NAALADL2: variants seen among roughly 807,000 people sequenced by gnomAD.
The protein encoded by NAALADL2 is inactive N-acetylated-alpha-linked acidic dipeptidase-like protein 2.
In NAALADL2, 76 loss-of-function variants were observed where a neutral mutation model predicts 87.2. The observed-to-expected ratio is 0.87, with a 90% CI of 0.72 to 1.05. NAALADL2 has a LOEUF of 1.05. Among genes scored for constraint, NAALADL2 ranks in the 50% least tolerant of loss-of-function variants. NAALADL2 has a pLI of 0.00. For missense variants in NAALADL2, 1,089 were observed against 945.8 expected (o/e 1.15, Z -1.99); for synonymous variants, 354 against 331.0 (o/e 1.07, Z -0.75).
At chr3:175,797,207 A>G (rs1038768111) in intron 13 of NAALADL2, among the ~76,000 whole-genome samples, 3 of 152,136 alleles carry the variant, frequency 2.0e-5, no homozygotes, top group African/African-American at 7.2e-5. Context: ...GTGGGTCAGG[A>G]TAACTGTATG....
At chr3:175,684,746 T>C (rs1736038853) in intron 11 of NAALADL2, among the ~76,000 whole-genome samples, 1 of 152,078 alleles carries the variant, frequency 6.6e-6, no homozygotes, top group Admixed American at 6.6e-5. Flanking sequence ...AAGGCTGCAG[T>C]GAGCTATGAC....
At chr3:175,194,500 T>C (rs1264201791) in intron 2 of NAALADL2, among the ~76,000 whole-genome samples, 1 of 151,822 alleles carries the variant, frequency 6.6e-6, no homozygotes, top group Non-Finnish European at 1.5e-5. Flanking sequence ...TAATGAAAGG[T>C]AGGCTATATG....
At chr3:174,708,053 T>C (rs1439065150) in intron 2 of NAALADL2, among the ~76,000 whole-genome samples, 1 of 152,198 alleles carries the variant, frequency 6.6e-6, no homozygotes, top group African/African-American at 2.4e-5. Flanking sequence ...AACATTCTAA[T>C]AATTTTAAAT....
chr3:174,745,699 A>G (rs1337987008), intron 3 of NAALADL2, among the ~76,000 whole-genome samples: 1 of 152,202 alleles, frequency 6.6e-6, no homozygotes, highest in African/African-American at 2.4e-5. Context: ...TCAGTAAAAT[A>G]TGAGCAAACC....
At chr3:175,488,264 C>A (rs935835962) in intron 9 of NAALADL2, among the ~76,000 whole-genome samples, 1 of 152,154 alleles carries the variant, frequency 6.6e-6, no homozygotes, top group African/African-American at 2.4e-5. Flanking sequence ...AGGACAAGCA[C>A]GAATTAGTTT....
chr3:175,231,868 G>A (rs1290550525), intron 2 of NAALADL2, among the ~76,000 whole-genome samples: 1 of 151,996 alleles, frequency 6.6e-6, no homozygotes, highest in Non-Finnish European at 1.5e-5. Flanking sequence ...CTGTCAAATT[G>A]TGTTGTTTTT....
intron 4 of NAALADL2, among the ~76,000 whole-genome samples, chr3:175,314,098 G>A (rs1758735692): frequency 6.7e-6 from 1 of 148,708 alleles, no homozygotes; most frequent in Non-Finnish European, 1.5e-5. Context: ...AAAGAAAAGT[G>A]AAAAGTGTCC....
chr3:174,694,315 C>T (rs889558304), intron 2 of NAALADL2, among the ~76,000 whole-genome samples: 7 of 151,982 alleles, frequency 4.6e-5, no homozygotes, highest in Non-Finnish European at 7.4e-5. Flanking sequence ...TATGTTATGT[C>T]GGACTGTTCC....
At chr3:175,688,373 C>A (rs1560977843) in intron 11 of NAALADL2, among the ~76,000 whole-genome samples, 5 of 152,108 alleles carry the variant, frequency 3.3e-5, no homozygotes. Flanking sequence ...ATTGTGGAAT[C>A]TTATGACCAC....
At chr3:174,983,219 A>G (rs1388611118) in intron 1 of NAALADL2, among the ~76,000 whole-genome samples, 1 of 152,162 alleles carries the variant, frequency 6.6e-6, no homozygotes, top group African/African-American at 2.4e-5. Flanking sequence ...TGACCCAGAG[A>G]TTCTGTATTA....
At chr3:175,198,335 A>AT (rs912445125) in intron 2 of NAALADL2, among the ~76,000 whole-genome samples, 2 of 151,972 alleles carry the variant, frequency 1.3e-5, no homozygotes, top group African/African-American at 2.4e-5. Flanking sequence ...TTAAAAGTCC[A>AT]TTTTTTCTAT....
intron 9 of NAALADL2, among the ~76,000 whole-genome samples, chr3:175,476,681 T>C (rs2149307650): frequency 6.6e-6 from 1 of 152,298 alleles, no homozygotes; most frequent in South Asian, 2.1e-4. Flanking sequence ...TTTCTTCTTG[T>C]GTGAGGGCGA....
chr3:175,262,783 C>T (rs1357351823), intron 4 of NAALADL2, among the ~76,000 whole-genome samples: 2 of 151,876 alleles, frequency 1.3e-5, no homozygotes, highest in African/African-American at 4.8e-5. Flanking sequence ...GAATATTTTA[C>T]ATGAAAACAA....
chr3:174,628,229 G>A (rs1721762384), intron 2 of NAALADL2, among the ~76,000 whole-genome samples: 1 of 152,076 alleles, frequency 6.6e-6, no homozygotes, highest in African/African-American at 2.4e-5. Context: ...TGTAATCCCA[G>A]CACTTTGGGA....
At position 174,788,281 on chromosome 3, in the gene NAALADL2, G is replaced by A. The variant is rs1578933840; in HGVS notation, c.-9+50535G>A. Among the ~76,000 whole-genome samples, 6 of 150,138 alleles carry A rather than the reference G, an allele frequency of 4.0e-5. No homozygotes were observed. The East Asian group carries it at 1.2e-3, about 29-fold the overall frequency. On this transcript the variant is annotated intron_variant, in intron 3 of 3. Transcript: ENST00000434257. ...ATACAGGAATGAGGCATTATCAGAT[G>A]TGACATTATTGGGTAGTACTGATAT...
At chr3:175,704,073 C>G (rs1739342808) in intron 11 of NAALADL2, among the ~76,000 whole-genome samples, 1 of 152,092 alleles carries the variant, frequency 6.6e-6, no homozygotes, top group Non-Finnish European at 1.5e-5. Flanking sequence ...CGAGGAAAAA[C>G]TTTCTTTCCT....
intron 5 of NAALADL2, among the ~76,000 whole-genome samples, chr3:175,404,801 G>A (rs964553838): frequency 6.6e-6 from 1 of 152,118 alleles, no homozygotes; most frequent in South Asian, 2.1e-4. Context: ...AGGACCATCA[G>A]CACTTTACTA....
intron 2 of NAALADL2, among the ~76,000 whole-genome samples, chr3:174,625,522 T>TA (rs528319891): frequency 4.0e-5 from 6 of 150,448 alleles, no homozygotes; most frequent in Non-Finnish European, 5.9e-5. Flanking sequence ...AACACTAACC[T>TA]AAAAAAAAAT....
chr3:174,473,213 G>A (rs1577981991), intron 1 of NAALADL2, among the ~76,000 whole-genome samples: 1 of 152,028 alleles, frequency 6.6e-6, no homozygotes, highest in Non-Finnish European at 1.5e-5. Context: ...ACTCCTCCCT[G>A]CCCTCCCTGC....
Sources: allele counts gnomAD v4.1 joint callset (sites outside exome capture counted in the v4.1 genomes callset), GRCh38; gene constraint gnomAD v4.1.1; transcripts MANE v1.5; gene names NCBI Gene and HGNC (gene_info 2026-07-23, HGNC 2026-07-21).